NR3C2: variants seen among roughly 807,000 people sequenced by gnomAD.
The protein encoded by NR3C2 is mineralocorticoid receptor.
A neutral mutation model predicts 86.4 loss-of-function variants in NR3C2; 15 were observed. The ratio of observed to expected loss-of-function variants is 0.17; its 90% CI spans 0.12 to 0.27. The LOEUF (loss-of-function observed/expected upper bound fraction) is 0.27. Among genes scored for constraint, NR3C2 ranks in the 10% least tolerant of loss-of-function variants. The pLI is 1.00. For synonymous variants in NR3C2, 458 were observed against 450.5 expected, an observed-to-expected ratio of 1.02 and a Z score of -0.21; for missense variants, 960 against 1,195.6, an observed-to-expected ratio of 0.80 and a Z score of 2.91.
chr4:148,264,667 G>T (rs553874746), intron 2 of NR3C2, among the ~76,000 whole-genome samples: 36 of 152,092 alleles, frequency 2.4e-4, no homozygotes, highest in Non-Finnish European at 4.0e-4. Context: ...AGGTTCAACA[G>T]ATGATAGCTA....
chr4:148,350,312 A>C (rs1745210666), intron 2 of NR3C2, among the ~76,000 whole-genome samples: 1 of 152,174 alleles, frequency 6.6e-6, no homozygotes, highest in Non-Finnish European at 1.5e-5. Context: ...GAATATGGGA[A>C]TTTCCAAGAC....
chr4:148,152,362 T>G, intron 6 of NR3C2, 107 bp downstream of exon 6: 1 of 1,287,888 alleles, frequency 7.8e-7, no homozygotes, highest in Non-Finnish European at 1.1e-6. Flanking sequence ...AAATGCCAGT[T>G]TCAGTAGATT....
At chr4:148,431,533 G>A (rs1749800521) in intron 2 of NR3C2, among the ~76,000 whole-genome samples, 1 of 152,036 alleles carries the variant, frequency 6.6e-6, no homozygotes, top group Non-Finnish European at 1.5e-5. Context: ...AACTAGGTCC[G>A]GCGTCCATTC....
At chr4:148,159,154 A>G (rs905522157) in intron 4 of NR3C2, among the ~76,000 whole-genome samples, 1 of 152,190 alleles carries the variant, frequency 6.6e-6, no homozygotes, top group African/African-American at 2.4e-5. Flanking sequence ...TGTCTTATGT[A>G]TCTCTATAAC....
intron 5 of NR3C2, 33 bp from the exon 6 acceptor site, chr4:148,152,646 A>G (rs769349108): frequency 8.1e-6 from 13 of 1,610,212 alleles, no homozygotes; most frequent in African/African-American, 1.3e-5. Context: ...ACAGAAATAC[A>G]CTTAGCATTT....
intron 2 of NR3C2, among the ~76,000 whole-genome samples, chr4:148,351,025 C>CA (rs769831438): frequency 1.3e-5 from 2 of 152,080 alleles, no homozygotes; most frequent in South Asian, 4.1e-4. Context: ...AATGGATTAC[C>CA]AAAAAACCCT....
chr4:148,238,893 C>T (rs1738877128), intron 3 of NR3C2, among the ~76,000 whole-genome samples: 1 of 152,186 alleles, frequency 6.6e-6, no homozygotes, highest in Admixed American at 6.5e-5. Flanking sequence ...TCGGCCACCT[C>T]TAAACTGAGT....
intron 7 of NR3C2, among the ~76,000 whole-genome samples, chr4:148,119,432 TC>T (rs1405017344): frequency 6.6e-6 from 1 of 152,136 alleles, no homozygotes; most frequent in African/African-American, 2.4e-5. Context: ...AATGTGCTCT[TC>T]CCTTCTTTGA....
chr4:148,316,385 T>A (rs1264121934), intron 2 of NR3C2, among the ~76,000 whole-genome samples: 1 of 152,202 alleles, frequency 6.6e-6, no homozygotes, highest in African/African-American at 2.4e-5. Context: ...ATTCCCTGTG[T>A]ATTATTTAAG....
At chr4:148,217,420 A>G (rs1441282556) in intron 3 of NR3C2, among the ~76,000 whole-genome samples, 3 of 152,224 alleles carry the variant, frequency 2.0e-5, no homozygotes, top group African/African-American at 4.8e-5. Context: ...AGAGATTTTC[A>G]GCCTTGGGAC....
At chr4:148,103,431 G>A (rs1048015556) in intron 8 of NR3C2, among the ~76,000 whole-genome samples, 6 of 152,206 alleles carry the variant, frequency 3.9e-5, no homozygotes, top group Admixed American at 3.3e-4. Context: ...GTAGACTCAC[G>A]GCCCAAAAGC....
At chr4:148,249,582 C>T (rs969679751) in intron 3 of NR3C2, among the ~76,000 whole-genome samples, 7 of 152,014 alleles carry the variant, frequency 4.6e-5, no homozygotes, top group African/African-American at 9.7e-5. Context: ...ATTCTGTTGT[C>T]GAATGTCGGT....
At chr4:148,164,474 A>T (rs1285128810) in intron 4 of NR3C2, among the ~76,000 whole-genome samples, 1 of 152,208 alleles carries the variant, frequency 6.6e-6, no homozygotes, top group Admixed American at 6.5e-5. Flanking sequence ...GTAAATTCTT[A>T]TTCTTTGAGG....
chr4:148,358,494 G>A (rs1242761917), intron 2 of NR3C2, among the ~76,000 whole-genome samples: 16 of 127,234 alleles, frequency 1.3e-4, no homozygotes, highest in Non-Finnish European at 2.0e-4. Flanking sequence ...GGGGGGAGGG[G>A]TAGCATTGGG....
chr4:148,376,237 A>G lies in NR3C2; in HGVS notation c.1757+58867T>C, dbSNP rs61763768. On this transcript the variant is annotated intron_variant, in intron 2 of 8. Transcript: ENST00000358102. ...CATAGATGAAACTCTTTGGTGTAGA[A>G]GGAGAAAGTAAATAAAAGGAAGGAA... Among the ~76,000 whole-genome samples, 120 of 152,032 alleles carry G rather than the reference A, an allele frequency of 7.9e-4. 1 individual carries two copies. In the Middle Eastern group the frequency reaches 0.017, roughly 22 times the overall value.
chr4:148,272,172 G>T (rs192575872), intron 2 of NR3C2, among the ~76,000 whole-genome samples: 2 of 152,190 alleles, frequency 1.3e-5, no homozygotes, highest in African/African-American at 4.8e-5. Flanking sequence ...AGCAAGGGGT[G>T]GTGGCGGTTT....
At chr4:148,373,758 A>G (rs1746538124) in intron 2 of NR3C2, among the ~76,000 whole-genome samples, 1 of 152,092 alleles carries the variant, frequency 6.6e-6, no homozygotes. Context: ...GATTATAGGC[A>G]TGAGCCACCG....
chr4:148,148,844 G>T (rs1001902148), intron 6 of NR3C2, among the ~76,000 whole-genome samples: 2 of 152,128 alleles, frequency 1.3e-5, no homozygotes, highest in Non-Finnish European at 2.9e-5. Context: ...ATGAGAGAGG[G>T]ATTTTTTTTC....
chr4:148,145,642 C>T (rs1733831849), intron 6 of NR3C2, among the ~76,000 whole-genome samples: 1 of 152,202 alleles, frequency 6.6e-6, no homozygotes, highest in African/African-American at 2.4e-5. Flanking sequence ...AGTGGGGCCA[C>T]AGTGAGACCG....
Sources: allele counts gnomAD v4.1 joint callset (sites outside exome capture counted in the v4.1 genomes callset), GRCh38; gene constraint gnomAD v4.1.1; transcripts MANE v1.5; gene names NCBI Gene and HGNC (gene_info 2026-07-23, HGNC 2026-07-21).